NF1: variants seen among roughly 807,000 people sequenced by gnomAD.
NF1 encodes the protein neurofibromin 1, also known as neurofibromin.
NF1 carries 122 observed loss-of-function variants against 325.7 expected under a neutral mutation model. The observed-to-expected ratio is 0.37, with a 90% CI of 0.32 to 0.44. The LOEUF (loss-of-function observed/expected upper bound fraction) is 0.44. Among genes scored for constraint, NF1 ranks in the 20% least tolerant of loss-of-function variants. The pLI is 1.00. For missense variants in NF1, 2,140 were observed against 3,415.4 expected (o/e 0.63, Z 9.31); for synonymous variants, 1,091 against 1,186.0 (o/e 0.92, Z 1.65).
chr17:31,138,739 T>C (rs1303816619), intron 1 of NF1, among the ~76,000 whole-genome samples: 1 of 75,554 alleles, frequency 1.3e-5, no homozygotes, highest in African/African-American at 4.3e-5. Flanking sequence ...GACTACAGGC[T>C]AATTTTTTTT....
At chr17:31,157,375 T>G (rs866147419) in intron 2 of NF1, among the ~76,000 whole-genome samples, 1 of 151,968 alleles carries the variant, frequency 6.6e-6, no homozygotes, top group African/African-American at 2.4e-5. Context: ...TCCCCCTTCC[T>G]TTTTTTTGAG....
chr17:31,372,254 C>T (rs1436398780), intron 57 of NF1, among the ~76,000 whole-genome samples: 3 of 152,122 alleles, frequency 2.0e-5, no homozygotes, highest in Non-Finnish European at 2.9e-5. Flanking sequence ...CCCAGCCCTA[C>T]GCCCTCTCCC....
chr17:31,328,357 T>C (rs2069400449), intron 38 of NF1, among the ~76,000 whole-genome samples: 1 of 152,222 alleles, frequency 6.6e-6, no homozygotes, highest in South Asian at 2.1e-4. Flanking sequence ...AACTTGAATA[T>C]GCATGTGGAA....
At chr17:31,096,131 T>TCC (rs34969414) in intron 1 of NF1, among the ~76,000 whole-genome samples, 1,785 of 140,372 alleles carry the variant, frequency 0.013, 43 homozygotes, top group African/African-American at 0.045. Context: ...TGCAGTCTCT[T>TCC]CCCCCCCCCC....
intron 1 of NF1, among the ~76,000 whole-genome samples, chr17:31,146,405 G>A (rs1916588337): frequency 6.9e-6 from 1 of 144,106 alleles, no homozygotes; most frequent in Non-Finnish European, 1.5e-5. Context: ...TATCTAATCT[G>A]TCTGTCCATC....
At chr17:31,197,113 C>T (rs1410317285) in intron 8 of NF1, among the ~76,000 whole-genome samples, 8 of 151,552 alleles carry the variant, frequency 5.3e-5, no homozygotes, top group Admixed American at 2.0e-4. Flanking sequence ...GGCGCGATCT[C>T]GGCTCACTAC....
chr17:31,359,623 C>A (rs549028634), intron 56 of NF1: 2 of 154,444 alleles, frequency 1.3e-5, no homozygotes, highest in African/African-American at 4.8e-5. Flanking sequence ...CCACGCCCAG[C>A]TAATTTTTGT....
chr17:31,294,278 TTA>T (rs1411732257), intron 36 of NF1, among the ~76,000 whole-genome samples: 6 of 152,196 alleles, frequency 3.9e-5, no homozygotes, highest in African/African-American at 1.2e-4. Flanking sequence ...AATTTTTTCA[TTA>T]TGTTTTTAAC....
chr17:31,207,158 C>T (rs1368177607), intron 12 of NF1, among the ~76,000 whole-genome samples: 1 of 152,168 alleles, frequency 6.6e-6, no homozygotes, highest in Non-Finnish European at 1.5e-5. Flanking sequence ...CAGATGCCAA[C>T]CAGTCACTGT....
chr17:31,202,198 ATTTTGAAAGTTTTCAAGTGTTATT>A (rs1378447046), intron 11 of NF1, among the ~76,000 whole-genome samples: 2 of 152,134 alleles, frequency 1.3e-5, no homozygotes, highest in Non-Finnish European at 2.9e-5. Context: ...GAACAACCCT[ATTTTGAAAGTTTTCAAGTGTTATT>A]TTCCATTGTT....
chr17:31,272,209 G>A (rs2067913138), intron 36 of NF1: 1 of 152,204 alleles, frequency 6.6e-6, no homozygotes, highest in Admixed American at 6.5e-5. Context: ...AAGAAACTGA[G>A]ATAAGAATGC....
At chr17:31,098,205 T>A (rs2143180108) in intron 1 of NF1, among the ~76,000 whole-genome samples, 1 of 151,472 alleles carries the variant, frequency 6.6e-6, no homozygotes, top group African/African-American at 2.4e-5. Context: ...TGAAAATGTC[T>A]TTTAGTCAGA....
chr17:31,155,303 C>T (rs1252720002), intron 1 of NF1, among the ~76,000 whole-genome samples: 2 of 152,128 alleles, frequency 1.3e-5, no homozygotes, highest in South Asian at 2.1e-4. Context: ...TGGAACTTAA[C>T]TCATTCACAG....
chr17:31,302,155 G>A lies in NF1; in HGVS notation c.4836-23665G>A, dbSNP rs539022403. 8.5e-5 allele frequency among the ~76,000 whole-genome samples: 13 copies of A among 152,088 alleles called. No homozygotes were observed. The South Asian group carries it at 2.7e-3, about 32-fold the overall frequency. On this transcript the variant is annotated intron_variant, in intron 36 of 57. Coordinates refer to ENST00000358273, the MANE Select transcript of NF1 (RefSeq NM_001042492.3). ...CTTTAAAAAAAATAAAAGGAAAAAA[G>A]ACAACATAAAAACCCGGCTGCTGCC...
intron 50 of NF1, among the ~76,000 whole-genome samples, chr17:31,351,044 A>G (rs1220644017): frequency 6.6e-6 from 1 of 152,186 alleles, no homozygotes; most frequent in African/African-American, 2.4e-5. Context: ...AAATTTTTCA[A>G]ACATGGTATT....
rs908241813 is a variant in NF1, at chr17:31,377,592, G to C, written c.*3437G>C. On this transcript the variant is annotated 3_prime_UTR_variant, in exon 58 of 58. Coordinates refer to ENST00000358273, the MANE Select transcript of NF1 (RefSeq NM_001042492.3). ...TAGAAATCCATTTCAGATCTTTATT[G>C]TTCCTCACCCCATTTTCCTCCTTGT... 3 of 232,800 alleles carry C rather than the reference G, an allele frequency of 1.3e-5. No homozygotes were observed. Among genetic ancestry groups the C allele is most frequent in the Admixed American group, 5.6e-5 (1 of 17,740 alleles). The allele number at this position is 232,800 out of a possible 1,614,324, so 14.4% of individuals were successfully genotyped here.
chr17:31,192,066 A>G (rs1597670986), intron 8 of NF1, among the ~76,000 whole-genome samples: 1 of 152,106 alleles, frequency 6.6e-6, no homozygotes, highest in East Asian at 1.9e-4. Context: ...TGACTATAGT[A>G]TCTTTTTTTA....
Position 31,096,203 on chromosome 17 carries a change from A to C in NF1, c.60+834A>C, listed in dbSNP as rs570425466. Among the ~76,000 whole-genome samples, 15 of 147,650 alleles carry C rather than the reference A, an allele frequency of 1.0e-4. 1 individual carries two copies. In the South Asian group the frequency reaches 3.5e-3, roughly 34 times the overall value. ...TCTCGAGTGAGAATGTTGGGGAGTA[A>C]AGGGGAGAAGGGTGAAAGGAAAGTG... On this transcript the variant is annotated intron_variant, in intron 1 of 57. Coordinates refer to ENST00000358273, the MANE Select transcript of NF1 (RefSeq NM_001042492.3).
At chr17:31,148,853 A>G (rs1283999232) in intron 1 of NF1, among the ~76,000 whole-genome samples, 3 of 152,144 alleles carry the variant, frequency 2.0e-5, no homozygotes, top group East Asian at 1.9e-4. Context: ...ACTTCTTAAA[A>G]TTTTAATTTT....
Sources: allele counts gnomAD v4.1 joint callset (sites outside exome capture counted in the v4.1 genomes callset), GRCh38; gene constraint gnomAD v4.1.1; transcripts MANE v1.5; gene names NCBI Gene and HGNC (gene_info 2026-07-23, HGNC 2026-07-21).